The following INO80 variants were observed in gnomAD, a reference collection of about 807,000 sequenced individuals.
INO80 encodes the protein chromatin-remodeling ATPase INO80.
A neutral mutation model predicts 203.4 loss-of-function variants in INO80; 20 were observed. The observed-to-expected ratio is 0.10, with a 90% confidence interval of 0.07 to 0.14. INO80 has a LOEUF of 0.14. Ranked by LOEUF, INO80 falls within the 10% of genes least tolerant of loss-of-function variation. The pLI, the probability that INO80 is intolerant of heterozygous loss-of-function variation, is 1.00. For missense variants in INO80, 1,419 were observed against 1,914.4 expected (o/e 0.74, Z 4.83); for synonymous variants, 726 against 685.2 (o/e 1.06, Z -0.93).
chr15:41,072,663 A>G (rs1300232147), intron 11 of INO80, among the ~76,000 whole-genome samples: 1 of 150,348 alleles, frequency 6.7e-6, no homozygotes, highest in East Asian at 1.9e-4. Flanking sequence ...AAAAAAAAGA[A>G]TAAATAAATA....
chr15:41,047,933 C>CT (rs1236948936), intron 22 of INO80, among the ~76,000 whole-genome samples: 1 of 152,152 alleles, frequency 6.6e-6, no homozygotes, highest in Non-Finnish European at 1.5e-5. Context: ...CCAGCACCGA[C>CT]TTTGTCAAGT....
Position 40,982,988 on chromosome 15 carries a change from C to CT in INO80, c.4326dup (p.Gly1443ArgfsTer42). ...TTTCGGCTCCGGCCCTTCCCTGCTC[C>CT]TTTGGCTGTGCTTCCTGAACCTTTG... On this transcript the variant is annotated frameshift_variant, in exon 35 of 36. Coordinates refer to ENST00000648947, the MANE Select transcript of INO80 (RefSeq NM_017553.3). LOFTEE classifies it high-confidence loss of function. 6.2e-7 allele frequency: 1 copy of CT among 1,614,202 alleles called. No homozygotes were observed. The highest frequency in any genetic ancestry group is 1.1e-5 in the South Asian group (1 of 91,090).
At chr15:41,028,272 A>T (rs1396661878) in intron 24 of INO80, among the ~76,000 whole-genome samples, 2 of 152,042 alleles carry the variant, frequency 1.3e-5, no homozygotes, top group Non-Finnish European at 2.9e-5. Flanking sequence ...AGTAGTTGCG[A>T]CTACAGGCGT....
intron 1 of INO80, among the ~76,000 whole-genome samples, chr15:41,112,985 G>C (rs935970591): frequency 5.3e-5 from 8 of 151,112 alleles, no homozygotes; most frequent in African/African-American, 1.9e-4. Context: ...GCTCGATCTC[G>C]GCTCACTGCA....
intron 23 of INO80, among the ~76,000 whole-genome samples, chr15:41,046,738 C>T (rs2044774326): frequency 1.3e-5 from 2 of 152,106 alleles, no homozygotes; most frequent in Non-Finnish European, 2.9e-5. Flanking sequence ...CTGCCTCGGC[C>T]TCCCGAGTAG....
At chr15:41,042,249 A>T (rs952006037) in intron 24 of INO80, among the ~76,000 whole-genome samples, 6 of 152,062 alleles carry the variant, frequency 3.9e-5, no homozygotes, top group African/African-American at 1.4e-4. Context: ...CCTAACCTCA[A>T]GGGATCCGCC....
chr15:41,070,119 T>C (rs543890125), intron 13 of INO80, among the ~76,000 whole-genome samples: 1 of 152,298 alleles, frequency 6.6e-6, no homozygotes, highest in South Asian at 2.1e-4. Context: ...GAGAGTTAAG[T>C]TGAAAAAGAG....
chr15:41,003,581 C>A (rs992626403), intron 28 of INO80, among the ~76,000 whole-genome samples: 2 of 152,018 alleles, frequency 1.3e-5, no homozygotes, highest in African/African-American at 4.8e-5. Context: ...CCGCCCACCT[C>A]GGCCTCCCAA....
chr15:40,983,106 A>G, intron 34 of INO80, 29 bp from the exon 35 acceptor site: 1 of 1,551,180 alleles, frequency 6.4e-7, no homozygotes, highest in Non-Finnish European at 8.8e-7. Flanking sequence ...CAAAAGGGAA[A>G]GAAAAAAAAA....
intron 1 of INO80, among the ~76,000 whole-genome samples, chr15:41,111,177 G>A (rs1422509445): frequency 6.6e-6 from 1 of 152,220 alleles, no homozygotes; most frequent in African/African-American, 2.4e-5. Context: ...CAGCCGTGGT[G>A]GTTCACGCCT....
Position 41,042,824 on chromosome 15 carries a change from A to G in INO80, c.2907+2080T>C, listed in dbSNP as rs142097793. The stretch of plus-strand genomic sequence containing the variant: ...ACCATAAGCTCTAGCAAAATACACT[A>G]CTTGGTTGGTATTTCAATATACATA... On this transcript the variant is annotated intron_variant, in intron 24 of 35. Transcript: ENST00000648947. Among the ~76,000 whole-genome samples, 408 of 152,244 alleles carry G rather than the reference A, an allele frequency of 2.7e-3. 3 individuals are homozygous for G. Among genetic ancestry groups the G allele is most frequent in the South Asian group, 0.013 (62 of 4,826 alleles).
chr15:41,098,965 G>A (rs1346302291), intron 1 of INO80, among the ~76,000 whole-genome samples: 1 of 151,644 alleles, frequency 6.6e-6, no homozygotes, highest in African/African-American at 2.4e-5. Flanking sequence ...AAAAAGACAG[G>A]CTAGACACAG....
At chr15:40,986,560 G>A (rs758134296) in intron 31 of INO80, among the ~76,000 whole-genome samples, 18 of 151,764 alleles carry the variant, frequency 1.2e-4, no homozygotes, top group Non-Finnish European at 2.5e-4. Flanking sequence ...TCCTGACCTC[G>A]TGATCCACCT....
intron 16 of INO80, 67 bp downstream of exon 16, chr15:41,058,572 T>A (rs113617850): frequency 6.0e-6 from 1 of 167,004 alleles, no homozygotes; most frequent in Non-Finnish European, 9.6e-6. Context: ...TGTGTGTGCG[T>A]GTGTGTGTGT....
chr15:41,068,118 T>G (rs990531130), intron 14 of INO80, among the ~76,000 whole-genome samples: 6 of 152,286 alleles, frequency 3.9e-5, no homozygotes, highest in Admixed American at 2.6e-4. Flanking sequence ...GATCAGACTT[T>G]AGAGTATTAA....
rs752506916 is a variant in INO80 at position 40,997,620 on chromosome 15, T to G, written c.3498-19A>C. On this transcript the variant is annotated intron_variant, in intron 28 of 35. Transcript: ENST00000648947. ...GTCATTCCTGCAGAAAAGGGAGAGA[T>G]ATGTTAAAGGAAAAACTGAAAAGAA... 12 of 1,573,692 alleles carry G rather than the reference T, an allele frequency of 7.6e-6. No individual in the cohort carries two copies. Among genetic ancestry groups the G allele is most frequent in the East Asian group, 2.2e-5 (1 of 44,632 alleles).
At chr15:40,986,809 T>G (rs2140413174) in intron 31 of INO80, among the ~76,000 whole-genome samples, 1 of 152,236 alleles carries the variant, frequency 6.6e-6, no homozygotes, top group South Asian at 2.1e-4. Flanking sequence ...GTATTTTTAG[T>G]AGAGGTGGGG....
At chr15:41,086,949 CAG>C (rs990325167) in intron 6 of INO80, among the ~76,000 whole-genome samples, 2 of 152,118 alleles carry the variant, frequency 1.3e-5, no homozygotes, top group Non-Finnish European at 2.9e-5. Flanking sequence ...GCAATATTTG[CAG>C]AGTGTGTATA....
chr15:41,067,861 A>G (rs2045247529), intron 14 of INO80, among the ~76,000 whole-genome samples: 1 of 152,236 alleles, frequency 6.6e-6, no homozygotes. Flanking sequence ...CTTTAGGGAC[A>G]GAACACATAT....
Sources: allele counts gnomAD v4.1 joint callset (sites outside exome capture counted in the v4.1 genomes callset), GRCh38; gene constraint gnomAD v4.1.1; transcripts MANE v1.5; gene names NCBI Gene and HGNC (gene_info 2026-07-23, HGNC 2026-07-21).